The following SYT9 variants were observed in gnomAD, a reference collection of about 807,000 sequenced individuals.
SYT9 encodes synaptotagmin 9.
SYT9 carries 22 observed loss-of-function variants against 48.4 expected under a neutral mutation model. That is an observed-to-expected ratio of 0.45 (90% CI 0.32 to 0.65). The LOEUF is 0.65. Among genes scored for constraint, SYT9 ranks in the 30% least tolerant of loss-of-function variants. The pLI is 0.03. For synonymous variants in SYT9, 265 were observed against 245.0 expected, an observed-to-expected ratio of 1.08 and a Z score of -0.76; for missense variants, 577 against 622.0, an observed-to-expected ratio of 0.93 and a Z score of 0.77.
intron 6 of SYT9, among the ~76,000 whole-genome samples, chr11:7,423,619 T>C (rs1430481102): frequency 6.6e-6 from 1 of 152,208 alleles, no homozygotes; most frequent in African/African-American, 2.4e-5. Context: ...TTTTCAGTTA[T>C]AGTTGTTATT....
chr11:7,418,137 C>T lies in SYT9; in HGVS notation c.1337+9C>T. On this transcript the variant is annotated intron_variant, in intron 5 of 6. Transcript: ENST00000318881. ...GTCATGGACTATGACCGGTGAGATACCTGGAACTCTTTTCCAGTGCAAGTT... is the reference window on the plus strand; with the variant it reads ...GTCATGGACTATGACCGGTGAGATATCTGGAACTCTTTTCCAGTGCAAGTT... 1 of 1,611,694 alleles carries T rather than the reference C, an allele frequency of 6.2e-7. No individual in the cohort carries two copies. Among genetic ancestry groups the T allele is most frequent in the African/African-American group, 1.3e-5 (1 of 74,958 alleles).
intron 3 of SYT9, among the ~76,000 whole-genome samples, chr11:7,322,702 A>G (rs1426282425): frequency 9.9e-5 from 15 of 152,158 alleles, no homozygotes; most frequent in Non-Finnish European, 1.2e-4. Context: ...CAAGATATGA[A>G]CCACCAATAT....
chr11:7,390,365 A>G (rs1229234226), intron 3 of SYT9, among the ~76,000 whole-genome samples: 1 of 152,186 alleles, frequency 6.6e-6, no homozygotes, highest in Non-Finnish European at 1.5e-5. Flanking sequence ...ACTACCTGTG[A>G]AACTCACTGG....
At chr11:7,311,775 C>G (rs1031061603) in intron 2 of SYT9, among the ~76,000 whole-genome samples, 3 of 152,238 alleles carry the variant, frequency 2.0e-5, no homozygotes, top group Non-Finnish European at 4.4e-5. Flanking sequence ...AGGTTACTTT[C>G]TGCTGCCTCC....
At chr11:7,360,427 A>G (rs1850112176) in intron 3 of SYT9, among the ~76,000 whole-genome samples, 2 of 152,180 alleles carry the variant, frequency 1.3e-5, no homozygotes, top group African/African-American at 2.4e-5. Flanking sequence ...CATTGAATGT[A>G]TAAATTACCT....
chr11:7,249,055 A>G (rs1189520281), upstream of SYT9, among the ~76,000 whole-genome samples: 2 of 152,120 alleles, frequency 1.3e-5, no homozygotes, highest in Non-Finnish European at 2.9e-5. Flanking sequence ...TGGTTTGATG[A>G]TTCTTATAAG....
intron 1 of SYT9, among the ~76,000 whole-genome samples, chr11:7,263,644 G>A (rs925343714): frequency 3.3e-5 from 5 of 152,130 alleles, no homozygotes; most frequent in African/African-American, 4.8e-5. Context: ...GTATTCCTAG[G>A]TGGAAGGAAG....
chr11:7,461,370 T>C (rs1848232842), intron 6 of SYT9: 1 of 152,238 alleles, frequency 6.6e-6, no homozygotes, highest in Admixed American at 6.5e-5. Flanking sequence ...TTTATCTTTG[T>C]GTTTTGTTTG....
At chr11:7,377,584 C>T (rs7932147) in intron 3 of SYT9, among the ~76,000 whole-genome samples, 1,620 of 152,026 alleles carry the variant, frequency 0.011, 30 homozygotes, top group African/African-American at 0.036. Flanking sequence ...CAGCTTCAAA[C>T]GCAAAAATAA....
intron 3 of SYT9, among the ~76,000 whole-genome samples, chr11:7,323,157 G>C (rs1254459569): frequency 6.6e-6 from 1 of 151,886 alleles, no homozygotes. Flanking sequence ...AATCTTTCTT[G>C]TATGTGTCTC....
At chr11:7,433,463 G>A (rs1016539842) in intron 6 of SYT9, among the ~76,000 whole-genome samples, 1 of 152,168 alleles carries the variant, frequency 6.6e-6, no homozygotes, top group African/African-American at 2.4e-5. Flanking sequence ...AATGGGAACG[G>A]AGAAGTGGAT....
chr11:7,295,090 C>A (rs953655883), intron 1 of SYT9, among the ~76,000 whole-genome samples: 4 of 152,200 alleles, frequency 2.6e-5, no homozygotes, highest in Admixed American at 2.0e-4. Flanking sequence ...GTGTTCTCTT[C>A]CAAACGTGGG....
intron 3 of SYT9, among the ~76,000 whole-genome samples, chr11:7,370,322 G>A (rs2134029180): frequency 6.6e-6 from 1 of 152,236 alleles, no homozygotes; most frequent in East Asian, 1.9e-4. Context: ...TCTGATTTGT[G>A]TCATTTATAA....
intron 3 of SYT9, 117 bp downstream of exon 3, chr11:7,314,058 C>A (rs556901340): frequency 1.7e-6 from 2 of 1,185,690 alleles, no homozygotes; most frequent in African/African-American, 1.5e-5. Flanking sequence ...GTACATGTAG[C>A]AGTTATTTCA....
chr11:7,328,474 A>G (rs1014115777), intron 3 of SYT9, among the ~76,000 whole-genome samples: 21 of 152,174 alleles, frequency 1.4e-4, no homozygotes, highest in African/African-American at 4.6e-4. Context: ...TTAATTTAAT[A>G]AAGTAAAAAG....
chr11:7,445,831 G>A (rs2134140575), intron 6 of SYT9, among the ~76,000 whole-genome samples: 1 of 152,320 alleles, frequency 6.6e-6, no homozygotes, highest in Admixed American at 6.5e-5. Flanking sequence ...CAGAGGCACT[G>A]TCTATACAGT....
At chr11:7,310,172 T>C (rs1386492086) in intron 2 of SYT9, among the ~76,000 whole-genome samples, 2 of 152,188 alleles carry the variant, frequency 1.3e-5, no homozygotes, top group Non-Finnish European at 1.5e-5. Context: ...CTTTCTCTGT[T>C]GCCCAGACTG....
At chr11:7,362,426 T>C (rs1201834965) in intron 3 of SYT9, among the ~76,000 whole-genome samples, 1 of 152,112 alleles carries the variant, frequency 6.6e-6, no homozygotes, top group East Asian at 1.9e-4. Flanking sequence ...TGAACCACCG[T>C]GACCAGCCCC....
At chr11:7,304,467 C>G (rs1179328059) in intron 2 of SYT9, among the ~76,000 whole-genome samples, 2 of 152,154 alleles carry the variant, frequency 1.3e-5, no homozygotes, top group Non-Finnish European at 2.9e-5. Context: ...GGTATAAACA[C>G]AATTTGGAGG....
Sources: allele counts gnomAD v4.1 joint callset (sites outside exome capture counted in the v4.1 genomes callset), GRCh38; gene constraint gnomAD v4.1.1; transcripts MANE v1.5; gene names NCBI Gene and HGNC (gene_info 2026-07-23, HGNC 2026-07-21).